Variants in FTCDNL1 observed in about 807,000 individuals in gnomAD.
The protein encoded by FTCDNL1 is formiminotransferase N-terminal subdomain-containing protein.
FTCDNL1 carries 11 observed loss-of-function variants against 5.9 expected under a neutral mutation model. The observed-to-expected ratio is 1.87, with a 90% CI of 1.18 to 3.10. FTCDNL1 has a LOEUF of 3.10. FTCDNL1 is among the 30% of genes most tolerant of loss of function. The pLI is 0.00. For missense variants in FTCDNL1, 115 were observed against 65.5 expected (o/e 1.76, Z -2.61); for synonymous variants, 58 against 24.8 (o/e 2.34, Z -3.99).
intron 3 of FTCDNL1, among the ~76,000 whole-genome samples, chr2:199,764,221 C>T (rs1012380319): frequency 6.6e-6 from 1 of 152,346 alleles, no homozygotes; most frequent in African/African-American, 2.4e-5. Context: ...ATTACTAAAA[C>T]ATGGCTAAGT....
the FTCDNL1 span, among the ~76,000 whole-genome samples, chr2:199,676,469 C>T: frequency 4.6e-5 from 7 of 151,840 alleles, no homozygotes. Context: ...ACATAATGGT[C>T]TCCAACTTTT....
chr2:199,691,091 T>A, the FTCDNL1 span, among the ~76,000 whole-genome samples: 1 of 152,350 alleles, frequency 6.6e-6, no homozygotes, highest in East Asian at 1.9e-4. Flanking sequence ...AATAAAAGTG[T>A]GGAATTTGCT....
chr2:199,737,831 T>C, the FTCDNL1 span, among the ~76,000 whole-genome samples: 2 of 152,226 alleles, frequency 1.3e-5, no homozygotes, highest in Non-Finnish European at 2.9e-5. Flanking sequence ...TGGTCCTGCC[T>C]GGGTGTGACC....
intron 3 of FTCDNL1, among the ~76,000 whole-genome samples, chr2:199,783,169 C>T (rs747456614): frequency 4.9e-4 from 75 of 152,284 alleles, no homozygotes; most frequent in Middle Eastern, 3.4e-3. Flanking sequence ...CAATAGAAGA[C>T]GCCACTAAGC....
At chr2:199,804,792 C>T (rs1448535856), downstream of FTCDNL1, among the ~76,000 whole-genome samples, 2 of 152,130 alleles carry the variant, frequency 1.3e-5, no homozygotes, top group African/African-American at 4.8e-5. Context: ...TGACAGAAGC[C>T]AGTCTGAACC....
At chr2:199,824,226 C>T (rs1365083040) in intron 3 of FTCDNL1, among the ~76,000 whole-genome samples, 1 of 152,236 alleles carries the variant, frequency 6.6e-6, no homozygotes, top group African/African-American at 2.4e-5. Context: ...GAGGGAGCTT[C>T]TTTCCTTCAA....
At chr2:199,783,421 G>A (rs1213374143) in intron 3 of FTCDNL1, among the ~76,000 whole-genome samples, 1 of 152,106 alleles carries the variant, frequency 6.6e-6, no homozygotes, top group South Asian at 2.1e-4. Flanking sequence ...ATACATCTTT[G>A]GGTCTTTTGA....
At chr2:199,841,614 T>TTATA (rs1041049300) in intron 3 of FTCDNL1, among the ~76,000 whole-genome samples, 5 of 152,116 alleles carry the variant, frequency 3.3e-5, no homozygotes, top group Admixed American at 6.6e-5. Context: ...ATTATTATTA[T>TTATA]TTTACCTCTG....
intron 3 of FTCDNL1, among the ~76,000 whole-genome samples, chr2:199,786,520 A>G (rs1023008235): frequency 6.6e-6 from 1 of 152,144 alleles, no homozygotes; most frequent in African/African-American, 2.4e-5. Flanking sequence ...TTTAGGAGTG[A>G]CACAATTACT....
the FTCDNL1 span, among the ~76,000 whole-genome samples, chr2:199,692,182 A>G: frequency 1.3e-5 from 2 of 152,190 alleles, no homozygotes; most frequent in African/African-American, 2.4e-5. Flanking sequence ...ATATTCTACC[A>G]GGCATTAATT....
At chr2:199,848,675 C>T (rs2076793882) in intron 2 of FTCDNL1, among the ~76,000 whole-genome samples, 173 bp downstream of exon 2, 1 of 152,200 alleles carries the variant, frequency 6.6e-6, no homozygotes, top group African/African-American at 2.4e-5. Context: ...ATCTGAGTAA[C>T]TGAGCTATCT....
At chr2:199,765,838 T>C (rs1698510632) in intron 3 of FTCDNL1, among the ~76,000 whole-genome samples, 1 of 151,920 alleles carries the variant, frequency 6.6e-6, no homozygotes, top group African/African-American at 2.4e-5. Context: ...CCACTGTGTC[T>C]GGCCTTCATT....
the FTCDNL1 span, among the ~76,000 whole-genome samples, chr2:199,734,197 A>T: frequency 2.0e-5 from 3 of 152,138 alleles, no homozygotes; most frequent in Non-Finnish European, 4.4e-5. Context: ...AGAATTTCTG[A>T]CTCTGAGCCA....
chr2:199,744,900 C>G, the FTCDNL1 span, among the ~76,000 whole-genome samples: 1 of 152,216 alleles, frequency 6.6e-6, no homozygotes, highest in African/African-American at 2.4e-5. Context: ...AGGCAAGAGA[C>G]GGGAAAACGC....
intron 4 of FTCDNL1, among the ~76,000 whole-genome samples, chr2:199,813,912 CAAAAAAAAAA>C (rs397987315): frequency 0.018 from 1,965 of 106,232 alleles, 44 homozygotes; most frequent in East Asian, 0.15. Context: ...GACTCTGTCT[CAAAAAAAAAA>C]AAAAAAAAAA....
At chr2:199,731,620 C>T in the FTCDNL1 span, among the ~76,000 whole-genome samples, 1 of 152,066 alleles carries the variant, frequency 6.6e-6, no homozygotes, top group Non-Finnish European at 1.5e-5. Context: ...AGGAAAAATC[C>T]CCTCACGCCT....
At chr2:199,823,556 A>G (rs1701827917) in intron 3 of FTCDNL1, among the ~76,000 whole-genome samples, 1 of 152,200 alleles carries the variant, frequency 6.6e-6, no homozygotes. Context: ...AAACAACATT[A>G]ATCTCCTTGT....
chr2:199,837,411 G>A (rs1476119639), intron 3 of FTCDNL1, among the ~76,000 whole-genome samples: 1 of 152,164 alleles, frequency 6.6e-6, no homozygotes, highest in Admixed American at 6.5e-5. Context: ...TGTTGATGGT[G>A]GTTAGAACTA....
chr2:199,694,739 CAGG>C, the FTCDNL1 span, among the ~76,000 whole-genome samples: 4 of 152,108 alleles, frequency 2.6e-5, no homozygotes, highest in Admixed American at 2.0e-4. Flanking sequence ...GAGGTTGAGG[CAGG>C]AGGATTGCTT....
Sources: allele counts gnomAD v4.1 joint callset (sites outside exome capture counted in the v4.1 genomes callset), GRCh38; gene constraint gnomAD v4.1.1; transcripts MANE v1.5; gene names NCBI Gene and HGNC (gene_info 2026-07-23, HGNC 2026-07-21).